The following PITPNM1 variants were observed in gnomAD, a reference collection of about 807,000 sequenced individuals.
PITPNM1 encodes the protein phosphatidylinositol transfer protein membrane associated 1, also known as membrane-associated phosphatidylinositol transfer protein 1.
A neutral mutation model predicts 133.3 loss-of-function variants in PITPNM1; 74 were observed. The ratio of observed to expected loss-of-function variants is 0.56; its 90% CI spans 0.46 to 0.67. The LOEUF (loss-of-function observed/expected upper bound fraction) is 0.67, where lower values mean the gene tolerates loss of function less well. PITPNM1 is among the 30% of genes least tolerant of loss of function. The pLI is 0.00. For missense variants in PITPNM1, 1,398 were observed against 1,739.5 expected (o/e 0.80, Z 3.49); for synonymous variants, 738 against 741.4 (o/e 1.00, Z 0.08).
At chr11:67,496,079 G>GT (rs1866110869) in intron 15 of PITPNM1, 99 bp downstream of exon 15, 1 of 1,184,880 alleles carries the variant, frequency 8.4e-7, no homozygotes, top group African/African-American at 1.6e-5. Flanking sequence ...GGCCTGAGAG[G>GT]TTTTCCATCG....
In PITPNM1 at chr11:67,491,847, T is replaced by C; in HGVS notation, c.*186A>G. On this transcript the variant is annotated 3_prime_UTR_variant, in exon 24 of 24. Transcript: ENST00000356404. ...GCGCCCATGCCCACGCCCTCCTCCCTCCCCCCGGCGCTGGGTCCCCTCATA... is the reference window on the plus strand; with the variant it reads ...GCGCCCATGCCCACGCCCTCCTCCCCCCCCCCGGCGCTGGGTCCCCTCATA... The C allele has an allele frequency of 1.6e-6, 1 of 639,900 alleles. No individual in the cohort carries two copies. Among genetic ancestry groups the C allele is most frequent in the East Asian group, 2.9e-5 (1 of 34,584 alleles). The allele number at this position is 639,900 out of a possible 1,614,324, so 39.6% of individuals were successfully genotyped here.
Position 67,502,261 on chromosome 11 carries a change from G to C in PITPNM1, c.415+31C>G, listed in dbSNP as rs185832886. 1.9e-6 allele frequency: 3 copies of C among 1,603,864 alleles called. No individual in the cohort carries two copies. In the Admixed American group the frequency reaches 5.0e-5, roughly 27 times the overall value. On this transcript the variant is annotated intron_variant, in intron 4 of 23. Coordinates refer to ENST00000356404, the MANE Select transcript of PITPNM1 (RefSeq NM_004910.3). This position sits in a 1 kb window ranked among gnomAD's most constrained non-coding sequence, Gnocchi z 5.9. ...AGGCAGCCAGGAGCCTGAGAGGGGCGCCAGGGTCCCCCCATAGCTCCAGGC... is the reference window on the plus strand; with the variant it reads ...AGGCAGCCAGGAGCCTGAGAGGGGCCCCAGGGTCCCCCCATAGCTCCAGGC...
rs534558755 is a variant in PITPNM1, at chr11:67,495,198, C to T, written c.2510G>A (p.Arg837Gln). 12 of 1,605,620 alleles carry T rather than the reference C, an allele frequency of 7.5e-6. No individual in the cohort carries two copies. Among genetic ancestry groups the T allele is most frequent in the East Asian group, 2.2e-5 (1 of 44,698 alleles). ...KILERWWGTK[R>Q]IDYSLYCPEA... ...GGGGCAGTACAGCGAGTAGTCGATCCGCTTGGTCCCCCACCAGCGCTCCAG... is the reference window on the plus strand; with the variant it reads ...GGGGCAGTACAGCGAGTAGTCGATCTGCTTGGTCCCCCACCAGCGCTCCAG... The change falls in exon 17 of 24, where the codon CGG becomes CAG. Residue 837 changes from arginine to glutamine, a missense_variant. Arg to Gln is a conservative substitution (Grantham distance 43). This residue lies in a region of PITPNM1 where 574 missense variants were observed against 698.7 expected (regional missense o/e 0.82). Coordinates refer to ENST00000356404, the MANE Select transcript of PITPNM1 (RefSeq NM_004910.3).
chr11:67,498,511 T>C lies in PITPNM1; in HGVS notation c.1484+85A>G. 1 of 1,536,410 alleles carries C rather than the reference T, an allele frequency of 6.5e-7. No homozygotes were observed. Among genetic ancestry groups the C allele is most frequent in the Non-Finnish European group, 8.8e-7 (1 of 1,142,540 alleles). The stretch of plus-strand genomic sequence containing the variant: ...CATGCCAGTGACCGACCCAGGTGTC[T>C]GGCTTCCTGACCCCTTCCCCGCTCC... On this transcript the variant is annotated intron_variant, in intron 10 of 23. Coordinates refer to ENST00000356404, the MANE Select transcript of PITPNM1 (RefSeq NM_004910.3). The surrounding 1 kb of genome is among the most constrained non-coding windows in gnomAD (Gnocchi z 5.7).
At chr11:67,499,686 G>A (rs376103031) in intron 8 of PITPNM1, 37 bp downstream of exon 8, 85 of 1,133,556 alleles carry the variant, frequency 7.5e-5, no homozygotes, top group East Asian at 9.9e-5. Context: ...TGCTGTACAC[G>A]GGTGCTGGGG....
chr11:67,492,965 C>T lies in PITPNM1; in HGVS notation c.3440G>A (p.Arg1147His), dbSNP rs1865981582. The part of the protein sequence containing the change: ...LSPSQTYIVG[R>H]AVRKLQAQCQ... Reference sequence around the variant, plus strand: ...CTGCGCCTGTAGCTTCCGCACGGCACGGCCCACGATGTAGGTCTGGCTCGG... The same window carrying T: ...CTGCGCCTGTAGCTTCCGCACGGCATGGCCCACGATGTAGGTCTGGCTCGG... Residue 1147 changes from arginine (R) to histidine (H), a missense_variant, in exon 23 of 24, where the codon CGT becomes CAT. Physicochemically the swap from Arg to His is conservative, Grantham distance 29. Around this residue, in one of 5 missense-constraint regions of PITPNM1, gnomAD observed 233 missense variants for 378.0 expected, o/e 0.62. Transcript: ENST00000356404. 1.2e-6 allele frequency: 2 copies of T among 1,612,962 alleles called. No homozygotes were observed. Among genetic ancestry groups the T allele is most frequent in the Non-Finnish European group, 1.7e-6 (2 of 1,179,918 alleles).
At chr11:67,499,690 G>A in intron 8 of PITPNM1, 33 bp downstream of exon 8, 1 of 1,203,276 alleles carries the variant, frequency 8.3e-7, no homozygotes, top group South Asian at 1.6e-5. Flanking sequence ...GTACACGGGT[G>A]CTGGGGGCCG....
intron 18 of PITPNM1, 88 bp downstream of exon 18, chr11:67,494,758 G>A: frequency 1.3e-6 from 1 of 775,574 alleles, no homozygotes; most frequent in Non-Finnish European, 2.2e-6. Flanking sequence ...GACCCGAGGA[G>A]GGGGGTGCTG....
intron 8 of PITPNM1, 140 bp from the exon 9 acceptor site, chr11:67,499,141 C>G: frequency 1.3e-6 from 1 of 784,468 alleles, no homozygotes; most frequent in Non-Finnish European, 2.0e-6. Flanking sequence ...CCCACCAACT[C>G]TCCCAGGTCA....
Position 67,493,992 on chromosome 11 carries a change from G to A in PITPNM1, c.2938C>T (p.Arg980Cys). The change falls in exon 20 of 24, where the codon CGC becomes TGC. Residue 980 changes from arginine to cysteine, a missense_variant. Arg to Cys is a radical substitution (Grantham distance 180). Coordinates refer to ENST00000356404, the MANE Select transcript of PITPNM1 (RefSeq NM_004910.3). ...FGTEVTNSSG[R>C]LTFPVPPERA... ...TCTGGGGGAACTGGGAAGGTGAGGC[G>A]GCCCGAGCTATTGGTGACTTCGGTG... 6.2e-7 allele frequency: 1 copy of A among 1,612,070 alleles called. No individual in the cohort carries two copies. The highest frequency in any genetic ancestry group is 8.5e-7 in the Non-Finnish European group (1 of 1,179,642).
At chr11:67,499,856 G>T (rs1346036648) in intron 7 of PITPNM1, 26 bp from the exon 8 acceptor site, 1 of 1,589,514 alleles carries the variant, frequency 6.3e-7, no homozygotes, top group Non-Finnish European at 8.6e-7. Context: ...GCTGTGTCAT[G>T]GGGTGGGAGG....
At chr11:67,492,859 G>A (rs541272677) in intron 23 of PITPNM1, 75 bp downstream of exon 23, 21 of 1,528,662 alleles carry the variant, frequency 1.4e-5, no homozygotes, top group African/African-American at 2.7e-5. Flanking sequence ...CCCAGAGTCC[G>A]TGGTTCCCAA....
chr11:67,495,218 C>T lies in PITPNM1; in HGVS notation c.2490G>A (p.Glu830=), dbSNP rs370664279. ...CGATCCGCTTGGTCCCCCACCAGCG[C>T]TCCAGGACTGCGCGGCCATGGCAGC... ...STTSEVVKIL[E]RWWGTKRIDY... Residue 830 remains glutamate (E), a synonymous_variant, in exon 17 of 24, where the codon GAG becomes GAA. Coordinates refer to ENST00000356404, the MANE Select transcript of PITPNM1 (RefSeq NM_004910.3). The T allele has an allele frequency of 3.1e-6, 5 of 1,591,876 alleles. No individual in the cohort carries two copies. Among genetic ancestry groups the T allele is most frequent in the African/African-American group, 2.7e-5 (2 of 74,690 alleles).
intron 8 of PITPNM1, among the ~76,000 whole-genome samples, chr11:67,499,387 A>G (rs952942881): frequency 2.0e-5 from 3 of 151,588 alleles, no homozygotes; most frequent in African/African-American, 7.3e-5. Context: ...GCTGGTGGTT[A>G]TTGCCTTGGG....
rs202055588 is a variant in PITPNM1, at chr11:67,497,670, G to A, written c.1792C>T (p.Leu598=). 7 of 1,610,284 alleles carry A rather than the reference G, an allele frequency of 4.3e-6. No homozygotes were observed. The highest frequency in any genetic ancestry group is 1.6e-4 in the Middle Eastern group (1 of 6,068). The change falls in exon 13 of 24, where the codon CTG becomes TTG. Residue 598 remains leucine (L), a synonymous_variant. Coordinates refer to ENST00000356404, the MANE Select transcript of PITPNM1 (RefSeq NM_004910.3). ...SSRRGSMNNE[L]LSPEFGPVRD... is the part of the protein sequence containing the mutation. ...ACTGGGCCAAACTCCGGAGAGAGCA[G>A]CTCATTGTTCTGGATGGAACAGGAG... is the stretch of plus-strand genomic sequence containing the variant.
intron 14 of PITPNM1, 67 bp from the exon 15 acceptor site, chr11:67,496,415 G>C (rs556809623): frequency 2.1e-6 from 3 of 1,433,790 alleles, no homozygotes; most frequent in African/African-American, 1.5e-5. Context: ...GGGAGGTAGG[G>C]GGTGTGGGAG....
Position 67,499,939 on chromosome 11 carries a change from G to A in PITPNM1, c.1038C>T (p.Ser346=), listed in dbSNP as rs200762903. Residue 346 remains serine (S), a synonymous_variant, in exon 7 of 24, where the codon TCC becomes TCT. Transcript: ENST00000356404. ...QNIARDSENS[S]EEEFFDAHEG... ...CGTGGGCATCAAAGAACTCTTCCTC[G>A]GAGCTGTTCTCAGAGTCTCGGGCAA... 3.7e-5 allele frequency: 59 copies of A among 1,612,332 alleles called. No homozygotes were observed. In the Admixed American group the frequency reaches 5.5e-4, roughly 15 times the overall value.
rs17847833 is a variant in PITPNM1, at chr11:67,493,196, G to A, written c.3343-134C>T. 637 of 1,181,922 alleles carry A rather than the reference G, an allele frequency of 5.4e-4. 5 individuals are homozygous for A. In the East Asian group the frequency reaches 0.014, roughly 25 times the overall value. 73.2% of individuals were successfully genotyped at this position (1,181,922 alleles called of 1,614,324 possible). The stretch of plus-strand genomic sequence containing the variant: ...AGGCGAAGACAGGTCCCAGTCCCAC[G>A]GGGACAGGGGCGGGACCAGCTGCAT... On this transcript the variant is annotated intron_variant, in intron 22 of 23. Transcript: ENST00000356404.
Position 67,494,023 on chromosome 11 carries a change from G to A in PITPNM1, c.2907C>T (p.His969=), listed in dbSNP as rs150046067. 8.1e-6 allele frequency: 13 copies of A among 1,611,784 alleles called. No individual in the cohort carries two copies. Among genetic ancestry groups the A allele is most frequent in the East Asian group, 2.2e-5 (1 of 44,872 alleles). The change falls in exon 20 of 24, where the codon CAC becomes CAT. Residue 969 remains histidine (H), a synonymous_variant. Transcript: ENST00000356404. The part of the protein sequence containing the change: ...MTQPLSGKWI[H]FGTEVTNSSG... The stretch of plus-strand genomic sequence containing the variant: ...AGCTATTGGTGACTTCGGTGCCAAA[G>A]TGGATCCACTTGCCCGACAGCGGCT...
Sources: gnomAD v4.1 joint callset for allele counts (sites outside exome capture counted in the v4.1 genomes callset) on GRCh38, gnomAD v4.1.1 for gene constraint, gnomAD v4.1.1 regional missense constraint, Gnocchi (gnomAD v3.1) non-coding constraint, MANE v1.5 for transcripts, NCBI Gene and HGNC (gene_info 2026-07-23, HGNC 2026-07-21) for gene names.